The following PTPN9 variants were observed in gnomAD, a reference collection of about 807,000 sequenced individuals.
PTPN9 encodes protein tyrosine phosphatase non-receptor type 9.
In PTPN9, 26 loss-of-function variants were observed where a neutral mutation model predicts 69.8. The ratio of observed to expected loss-of-function variants is 0.37; its 90% confidence interval spans 0.27 to 0.52. PTPN9 has a LOEUF of 0.52. PTPN9 is among the 20% of genes least tolerant of loss of function. The pLI is 0.91. For synonymous variants in PTPN9, 274 were observed against 272.5 expected, an observed-to-expected ratio of 1.01 and a Z score of -0.05; for missense variants, 549 against 740.3, an observed-to-expected ratio of 0.74 and a Z score of 3.00.
At chr15:75,557,376 G>A (rs1264664490) in intron 1 of PTPN9, among the ~76,000 whole-genome samples, 3 of 151,284 alleles carry the variant, frequency 2.0e-5, no homozygotes, top group Non-Finnish European at 4.4e-5. Flanking sequence ...AGAGGGCTGA[G>A]ATCACACCAT....
chr15:75,564,926 A>AC (rs2075120248), intron 1 of PTPN9, among the ~76,000 whole-genome samples: 1 of 151,634 alleles, frequency 6.6e-6, no homozygotes, highest in East Asian at 2.0e-4. Context: ...ACATGGTGAA[A>AC]CCCCGTCTCT....
chr15:75,522,519 C>A (rs1173230662), intron 4 of PTPN9, among the ~76,000 whole-genome samples: 1 of 151,870 alleles, frequency 6.6e-6, no homozygotes, highest in Non-Finnish European at 1.5e-5. Context: ...CAACCTCCCC[C>A]ACCTCCCCCA....
chr15:75,551,061 A>AAGTACCAACCT (rs2075054750), intron 1 of PTPN9, among the ~76,000 whole-genome samples: 1 of 152,200 alleles, frequency 6.6e-6, no homozygotes, highest in Non-Finnish European at 1.5e-5. Flanking sequence ...TCCATGTTTT[A>AAGTACCAACCT]TTCAACCTTT....
At chr15:75,470,912 C>CTG in intron 10 of PTPN9, 82 bp from the exon 11 acceptor site, 1 of 1,504,104 alleles carries the variant, frequency 6.6e-7, no homozygotes, top group Non-Finnish European at 9.0e-7. Context: ...CCTGATATAC[C>CTG]CCCAGGCAGC....
chr15:75,488,663 G>A (rs1158591270), intron 8 of PTPN9, among the ~76,000 whole-genome samples: 1 of 151,992 alleles, frequency 6.6e-6, no homozygotes, highest in Non-Finnish European at 1.5e-5. Flanking sequence ...GTGTAATGGC[G>A]TGTGCCTGTA....
At chr15:75,533,455 T>C (rs2074971378) in intron 1 of PTPN9, among the ~76,000 whole-genome samples, 2 of 152,000 alleles carry the variant, frequency 1.3e-5, no homozygotes, top group Admixed American at 1.3e-4. Context: ...GAGATGGGGT[T>C]TCACCATGTA....
intron 4 of PTPN9, among the ~76,000 whole-genome samples, chr15:75,519,910 C>A (rs977026501): frequency 6.6e-6 from 1 of 151,978 alleles, no homozygotes; most frequent in Non-Finnish European, 1.5e-5. Context: ...GTGAAGACTG[C>A]TTGAGGCCAG....
At chr15:75,560,077 T>C (rs1351758742) in intron 1 of PTPN9, among the ~76,000 whole-genome samples, 1 of 151,020 alleles carries the variant, frequency 6.6e-6, no homozygotes, top group African/African-American at 2.4e-5. Context: ...GAGGCGGAGG[T>C]TGCAGTGAGC....
intron 6 of PTPN9, 54 bp downstream of exon 6, chr15:75,508,863 A>T: frequency 4.5e-6 from 6 of 1,329,718 alleles, no homozygotes; most frequent in Non-Finnish European, 5.4e-6. Flanking sequence ...ATTAATTGGC[A>T]GGAATTCACT....
rs924904824 is a variant in PTPN9, at chr15:75,521,456, G to GA, written c.422+1664dup. ...GACAGACCGAGACTCCGTCTCAAAG[G>GA]AAAAAAAAAATAAAAAAAATATTTT... On this transcript the variant is annotated intron_variant, in intron 4 of 12. Coordinates refer to ENST00000618819, the MANE Select transcript of PTPN9 (RefSeq NM_002833.4). Among the ~76,000 whole-genome samples, 85 of 142,150 alleles carry GA rather than the reference G, an allele frequency of 6.0e-4. No homozygotes were observed. In the South Asian group the frequency reaches 0.016, roughly 28 times the overall value. 93.3% of individuals were successfully genotyped at this position (142,150 alleles called of 152,430 possible).
chr15:75,538,686 CA>C (rs932178076), intron 1 of PTPN9, among the ~76,000 whole-genome samples: 118 of 135,596 alleles, frequency 8.7e-4, no homozygotes, highest in Middle Eastern at 3.7e-3. Flanking sequence ...GACCCTGTCT[CA>C]AAAAAAAAAA....
At chr15:75,484,912 T>C (rs940082422) in intron 8 of PTPN9, among the ~76,000 whole-genome samples, 8 of 152,342 alleles carry the variant, frequency 5.3e-5, no homozygotes, top group Admixed American at 5.2e-4. Context: ...TGGATTTGTG[T>C]TCATTAGCCA....
At chr15:75,471,417 C>A (rs2141669787) in intron 10 of PTPN9, among the ~76,000 whole-genome samples, 1 of 152,194 alleles carries the variant, frequency 6.6e-6, no homozygotes, top group Admixed American at 6.5e-5. Flanking sequence ...CCAGCCCAGG[C>A]AACATGGAAA....
chr15:75,483,282 T>C (rs2074655183), intron 8 of PTPN9, among the ~76,000 whole-genome samples: 1 of 152,222 alleles, frequency 6.6e-6, no homozygotes, highest in Non-Finnish European at 1.5e-5. Context: ...CATAGCAGCA[T>C]TATTCGTAAT....
chr15:75,552,197 G>A (rs1334801377), intron 1 of PTPN9, among the ~76,000 whole-genome samples: 1 of 151,464 alleles, frequency 6.6e-6, no homozygotes, highest in African/African-American at 2.4e-5. Flanking sequence ...TCGGGAGTTC[G>A]AGACCAGCCT....
intron 7 of PTPN9, among the ~76,000 whole-genome samples, chr15:75,504,399 G>A (rs1182179834): frequency 1.1e-4 from 14 of 124,340 alleles, no homozygotes; most frequent in Admixed American, 2.3e-4. Context: ...TCAGCCCCCC[G>A]CCCGGCCAGC....
chr15:75,486,976 G>A (rs549374618), intron 8 of PTPN9, among the ~76,000 whole-genome samples: 14 of 151,660 alleles, frequency 9.2e-5, no homozygotes, highest in Admixed American at 7.9e-4. Flanking sequence ...TAGTAGAGAC[G>A]GGGTTTCACC....
At chr15:75,517,169 C>T (rs781477973) in intron 5 of PTPN9, 90 bp downstream of exon 5, 26 of 908,062 alleles carry the variant, frequency 2.9e-5, no homozygotes, top group Non-Finnish European at 4.3e-5. Flanking sequence ...CTGAAGTTTG[C>T]ATCTTTCCTA....
rs184138712 is a variant in PTPN9 at position 75,547,913 on chromosome 15, G to A, written c.64-20652C>T. On this transcript the variant is annotated intron_variant, in intron 1 of 12. Transcript: ENST00000618819. ...ACTCCTGATCTCAAGTGATCCACTT[G>A]CCTCAGCCTCCCAAAGTGCTGGGAT... Among the ~76,000 whole-genome samples, 21 of 152,212 alleles carry A rather than the reference G, an allele frequency of 1.4e-4. 1 individual carries two copies. Among genetic ancestry groups the A allele is most frequent in the South Asian group, 8.3e-4 (4 of 4,822 alleles).
Sources: gnomAD v4.1 joint callset for allele counts (sites outside exome capture counted in the v4.1 genomes callset) on GRCh38, gnomAD v4.1.1 for gene constraint, MANE v1.5 for transcripts, NCBI Gene and HGNC (gene_info 2026-07-23, HGNC 2026-07-21) for gene names.